The following L3MBTL4 variants were observed in gnomAD, a reference collection of about 807,000 sequenced individuals.
L3MBTL4 encodes lethal(3)malignant brain tumor-like protein 4.
A neutral mutation model predicts 84.5 loss-of-function variants in L3MBTL4; 70 were observed. The observed-to-expected ratio is 0.83, with a 90% CI of 0.68 to 1.01. L3MBTL4 has a LOEUF of 1.01. L3MBTL4 is among the 50% of genes least tolerant of loss of function. The pLI, the probability that L3MBTL4 is intolerant of heterozygous loss-of-function variation, is 0.00. For missense variants in L3MBTL4, 715 were observed against 754.8 expected (o/e 0.95, Z 0.62); for synonymous variants, 274 against 259.8 (o/e 1.05, Z -0.52).
At chr18:6,187,252 A>G (rs975969122) in intron 12 of L3MBTL4, among the ~76,000 whole-genome samples, 3 of 151,922 alleles carry the variant, frequency 2.0e-5, no homozygotes, top group African/African-American at 7.3e-5. Context: ...GCTTTTTTTT[A>G]GCATATATTT....
chr18:6,320,762 CA>C (rs1455251166), intron 1 of L3MBTL4, among the ~76,000 whole-genome samples: 1 of 151,862 alleles, frequency 6.6e-6, no homozygotes, highest in Non-Finnish European at 1.5e-5. Context: ...CATATGGAAC[CA>C]AAAATGGGCC....
At chr18:6,078,042 C>T (rs960054482) in intron 16 of L3MBTL4, among the ~76,000 whole-genome samples, 2 of 132,628 alleles carry the variant, frequency 1.5e-5, no homozygotes, top group African/African-American at 5.7e-5. Flanking sequence ...AATAAATGAA[C>T]AATAAATAAA....
At chr18:6,357,663 A>G (rs2053505891) in intron 1 of L3MBTL4, among the ~76,000 whole-genome samples, 1 of 152,032 alleles carries the variant, frequency 6.6e-6, no homozygotes, top group South Asian at 2.1e-4. Flanking sequence ...CCTAATTGTC[A>G]CCATCAAGAC....
chr18:6,399,111 CT>C (rs2055403562), intron 1 of L3MBTL4, among the ~76,000 whole-genome samples: 1 of 152,142 alleles, frequency 6.6e-6, no homozygotes, highest in Admixed American at 6.5e-5. Flanking sequence ...CATGAAACCT[CT>C]TTATATTTTA....
At chr18:6,410,580 A>G (rs1432214969) in intron 1 of L3MBTL4, among the ~76,000 whole-genome samples, 3 of 152,210 alleles carry the variant, frequency 2.0e-5, no homozygotes, top group Non-Finnish European at 4.4e-5. Flanking sequence ...AAAAGCTATC[A>G]GAATAGCTTA....
At chr18:6,126,328 G>A (rs2059693734) in intron 14 of L3MBTL4, among the ~76,000 whole-genome samples, 1 of 152,034 alleles carries the variant, frequency 6.6e-6, no homozygotes, top group Non-Finnish European at 1.5e-5. Flanking sequence ...TTTTTAAAGA[G>A]AATGAATTTT....
intron 16 of L3MBTL4, among the ~76,000 whole-genome samples, chr18:6,077,527 T>A (rs1400552233): frequency 2.6e-5 from 4 of 152,134 alleles, no homozygotes; most frequent in Non-Finnish European, 5.9e-5. Flanking sequence ...TTATTATATA[T>A]GCCAAGCATA....
intron 16 of L3MBTL4, among the ~76,000 whole-genome samples, chr18:5,975,562 G>T (rs548501044): frequency 2.0e-5 from 3 of 152,178 alleles, no homozygotes; most frequent in Non-Finnish European, 4.4e-5. Flanking sequence ...TTCTTCCCAC[G>T]ATCACCTGTT....
chr18:6,050,159 C>A (rs995035485), intron 16 of L3MBTL4, among the ~76,000 whole-genome samples: 3 of 152,126 alleles, frequency 2.0e-5, no homozygotes, highest in African/African-American at 7.2e-5. Context: ...TATAAAGTGA[C>A]ATAGTGACAA....
At chr18:6,277,350 G>A (rs891359391) in intron 4 of L3MBTL4, among the ~76,000 whole-genome samples, 7 of 151,900 alleles carry the variant, frequency 4.6e-5, no homozygotes, top group Non-Finnish European at 7.4e-5. Context: ...ATTTTTACAC[G>A]GAAAAAGGCC....
chr18:6,376,227 C>T (rs2054362656), intron 1 of L3MBTL4, among the ~76,000 whole-genome samples: 1 of 152,172 alleles, frequency 6.6e-6, no homozygotes, highest in Non-Finnish European at 1.5e-5. Context: ...GAGCACGGCA[C>T]CCAAATCCTT....
intron 14 of L3MBTL4, among the ~76,000 whole-genome samples, chr18:6,103,613 C>A (rs1274746520): frequency 2.0e-5 from 3 of 152,098 alleles, no homozygotes; most frequent in African/African-American, 7.2e-5. Flanking sequence ...ATCATAATTC[C>A]ATCTTTTGGA....
rs533541204 is a variant in L3MBTL4 at position 6,025,815 on chromosome 18, G to A, written c.1444+55066C>T. ...GCTCCTATGAGAATCTAATGCCATCGCTGATCTGACAGGAGGTGGAGCTCA... is the reference window on the plus strand; with the variant it reads ...GCTCCTATGAGAATCTAATGCCATCACTGATCTGACAGGAGGTGGAGCTCA... On this transcript the variant is annotated intron_variant, in intron 16 of 18. Coordinates refer to ENST00000317931, the MANE Select transcript of L3MBTL4 (RefSeq NM_001330559.2). 3.3e-5 allele frequency among the ~76,000 whole-genome samples: 5 copies of A among 152,290 alleles called. No homozygotes were observed. The East Asian group carries it at 9.7e-4, about 29-fold the overall frequency.
At chr18:5,999,175 C>T (rs1405450497) in intron 16 of L3MBTL4, among the ~76,000 whole-genome samples, 1 of 152,166 alleles carries the variant, frequency 6.6e-6, no homozygotes, top group African/African-American at 2.4e-5. Context: ...GGATGCTGTC[C>T]TAGTTCTCTG....
chr18:6,043,639 G>A (rs944651790), intron 16 of L3MBTL4, among the ~76,000 whole-genome samples: 5 of 152,218 alleles, frequency 3.3e-5, no homozygotes, highest in East Asian at 1.9e-4. Flanking sequence ...ACGGTCAATC[G>A]ATTAATCTAT....
chr18:6,000,732 A>G (rs1004101821), intron 16 of L3MBTL4, among the ~76,000 whole-genome samples: 4 of 152,220 alleles, frequency 2.6e-5, no homozygotes, highest in African/African-American at 9.6e-5. Context: ...TTGGAATGCA[A>G]TAACAAGACC....
intron 1 of L3MBTL4, among the ~76,000 whole-genome samples, chr18:6,324,761 A>G (rs1274143693): frequency 1.3e-5 from 2 of 152,180 alleles, no homozygotes; most frequent in Non-Finnish European, 2.9e-5. Flanking sequence ...CATCAGCCCA[A>G]TCATGAGTGG....
At chr18:6,302,861 T>A (rs1436703018) in intron 3 of L3MBTL4, among the ~76,000 whole-genome samples, 1 of 152,068 alleles carries the variant, frequency 6.6e-6, no homozygotes, top group Non-Finnish European at 1.5e-5. Context: ...CGTGGTGGCA[T>A]GTGCCTGAAA....
At chr18:6,095,077 G>A (rs1206415968) in intron 14 of L3MBTL4, among the ~76,000 whole-genome samples, 1 of 152,142 alleles carries the variant, frequency 6.6e-6, no homozygotes, top group African/African-American at 2.4e-5. Flanking sequence ...GTACCAAAAA[G>A]TACAATTTAT....
Sources: gnomAD v4.1 joint callset for allele counts (sites outside exome capture counted in the v4.1 genomes callset) on GRCh38, gnomAD v4.1.1 for gene constraint, MANE v1.5 for transcripts, NCBI Gene and HGNC (gene_info 2026-07-23, HGNC 2026-07-21) for gene names.